STAU1: variants seen among roughly 807,000 people sequenced by gnomAD.
STAU1 encodes double-stranded RNA-binding protein Staufen homolog 1.
A neutral mutation model predicts 62.9 loss-of-function variants in STAU1; 13 were observed. The observed-to-expected ratio is 0.21, with a 90% confidence interval of 0.13 to 0.33. STAU1 has a LOEUF of 0.33. Ranked by LOEUF, STAU1 falls within the 10% of genes least tolerant of loss-of-function variation. The pLI is 1.00. For synonymous variants in STAU1, 269 were observed against 265.1 expected, an observed-to-expected ratio of 1.01 and a Z score of -0.14; for missense variants, 571 against 712.1, an observed-to-expected ratio of 0.80 and a Z score of 2.25.
Position 49,154,089 on chromosome 20 carries a change from CAAAG to C in STAU1, c.206-22_206-19del, listed in dbSNP as rs767568703. ...TATGCTTTCTGCAAGAAAGAATCGA[CAAAG>C]AACTGTTTTTTTCTGGTATGAGAAT... On this transcript the variant is annotated intron_variant, in intron 3 of 13. Transcript: ENST00000371856. 10 of 1,584,932 alleles carry C rather than the reference CAAAG, an allele frequency of 6.3e-6. No homozygotes were observed. Among genetic ancestry groups the C allele is most frequent in the East Asian group, 2.2e-5 (1 of 44,522 alleles).
chr20:49,208,217 G>A, the STAU1 span, among the ~76,000 whole-genome samples: 1 of 152,102 alleles, frequency 6.6e-6, no homozygotes, highest in Non-Finnish European at 1.5e-5. Flanking sequence ...ATACCACCAA[G>A]CCCAGCTAAT....
chr20:49,204,615 TATATATATGTGTATATATATATA>T, the STAU1 span, among the ~76,000 whole-genome samples: 2 of 44,490 alleles, frequency 4.5e-5, no homozygotes, highest in South Asian at 1.1e-3. Context: ...TATATATATA[TATATATATGTGTATATATATATA>T]TATATATATT....
chr20:49,160,253 C>T (rs1296852389), intron 3 of STAU1, among the ~76,000 whole-genome samples: 1 of 152,190 alleles, frequency 6.6e-6, no homozygotes, highest in Non-Finnish European at 1.5e-5. Flanking sequence ...TATTATGCTA[C>T]GGTGACTATT....
chr20:49,151,648 C>T lies in STAU1; in HGVS notation c.444G>A (p.Ala148=), dbSNP rs147100150. The change falls in exon 5 of 14, where the codon GCG becomes GCA. Residue 148 remains alanine, a synonymous_variant. Coordinates refer to ENST00000371856, the MANE Select transcript of STAU1 (RefSeq NM_017453.4). ...ACGCTTTGGCAGCAGCATCGTGTTTCGCAGCCTGTCTTGTCTTTCCTTTGC... is the reference window on the plus strand; with the variant it reads ...ACGCTTTGGCAGCAGCATCGTGTTTTGCAGCCTGTCTTGTCTTTCCTTTGC... ...FNGKGKTRQA[A]KHDAAAKALR... The T allele has an allele frequency of 5.6e-6, 9 of 1,612,510 alleles. No homozygotes were observed. The highest frequency in any genetic ancestry group is 4.5e-5 in the East Asian group (2 of 44,748).
intron 8 of STAU1, among the ~76,000 whole-genome samples, chr20:49,120,875 A>T (rs1044651171): frequency 6.6e-6 from 1 of 151,834 alleles, no homozygotes; most frequent in African/African-American, 2.4e-5. Context: ...GCTCACTGCA[A>T]CCTCCACTTC....
At chr20:49,139,925 C>A (rs779467822) in intron 5 of STAU1, among the ~76,000 whole-genome samples, 2 of 151,728 alleles carry the variant, frequency 1.3e-5, no homozygotes, top group Non-Finnish European at 2.9e-5. Flanking sequence ...GTGGCTCACA[C>A]CTGTAATCCC....
chr20:49,136,973 C>T (rs112481166), intron 5 of STAU1, among the ~76,000 whole-genome samples: 3 of 152,284 alleles, frequency 2.0e-5, no homozygotes, highest in African/African-American at 4.8e-5. Context: ...GGGATTAAGG[C>T]GTGAGCCACC....
intron 6 of STAU1, among the ~76,000 whole-genome samples, chr20:49,127,413 G>GT (rs2092653131): frequency 6.6e-6 from 1 of 151,292 alleles, no homozygotes; most frequent in East Asian, 2.0e-4. Context: ...CATTTAAAAA[G>GT]TAAAAAAGGG....
At chr20:49,180,332 T>G (rs73132158) in intron 1 of STAU1, among the ~76,000 whole-genome samples, 1 of 146,674 alleles carries the variant, frequency 6.8e-6, no homozygotes, top group African/African-American at 2.5e-5. Flanking sequence ...TTTTTTTTTT[T>G]CCCCCCCTGG....
intron 3 of STAU1, among the ~76,000 whole-genome samples, chr20:49,154,363 G>C (rs756049193): frequency 7.2e-5 from 11 of 152,170 alleles, no homozygotes; most frequent in Non-Finnish European, 1.2e-4. Flanking sequence ...TCAGAAATAA[G>C]TTCCAAAACA....
the STAU1 span, among the ~76,000 whole-genome samples, chr20:49,195,918 GA>G: frequency 8.1e-5 from 6 of 74,428 alleles, no homozygotes; most frequent in Admixed American, 8.4e-4. Flanking sequence ...AAAAAAAAAA[GA>G]AAAAAGAAAA....
At chr20:49,182,500 T>G (rs1478561156) in intron 1 of STAU1, among the ~76,000 whole-genome samples, 3 of 152,208 alleles carry the variant, frequency 2.0e-5, no homozygotes, top group African/African-American at 7.2e-5. Context: ...TTGGCCAACA[T>G]TATTCAAGCT....
chr20:49,125,553 A>C (rs991677155), intron 6 of STAU1, among the ~76,000 whole-genome samples: 1 of 150,786 alleles, frequency 6.6e-6, no homozygotes, highest in African/African-American at 2.4e-5. Flanking sequence ...AAAAAAAAAA[A>C]AGCAAGCAAT....
At chr20:49,205,964 G>C in the STAU1 span, among the ~76,000 whole-genome samples, 1 of 149,488 alleles carries the variant, frequency 6.7e-6, no homozygotes, top group African/African-American at 2.5e-5. Context: ...GTGAGCTACC[G>C]TGTCCGGCTA....
chr20:49,153,751 GA>G lies in STAU1; in HGVS notation c.344+181del, dbSNP rs1387306973. On this transcript the variant is annotated intron_variant, in intron 4 of 13. Coordinates refer to ENST00000371856, the MANE Select transcript of STAU1 (RefSeq NM_017453.4). ...AAAAAAAAAAAAAAAAAGAAAGAAA[GA>G]AAAAAAAGAAAAGGCGGGGGAGGGG... 1.6e-4 allele frequency among the ~76,000 whole-genome samples: 17 copies of G among 108,152 alleles called. No individual in the cohort carries two copies. The South Asian group carries it at 1.7e-3, about 11-fold the overall frequency. 71.0% of individuals were successfully genotyped at this position (108,152 alleles called of 152,430 possible). A position where few individuals can be genotyped will look rare whatever the true frequency, so the allele number is the denominator to read the frequency against.
In STAU1 at chr20:49,120,104, C is replaced by T. The variant is rs753978667; in HGVS notation, c.991G>A (p.Glu331Lys). The change falls in exon 9 of 14, where the codon GAA becomes AAA. Residue 331 changes from glutamate (E) to lysine (K), a missense_variant. Physicochemically the swap from Glu to Lys is moderately conservative, Grantham distance 56. This residue lies in a region of STAU1 where 414 missense variants were observed against 499.6 expected (regional missense o/e 0.83). Coordinates refer to ENST00000371856, the MANE Select transcript of STAU1 (RefSeq NM_017453.4). ...ACCTTCTTGTTGGTGCCCGTTCCTT[C>T]TGCAGTGTGGTTTCCAACCTTCACC... is the stretch of plus-strand genomic sequence containing the variant. ...MQVKVGNHTA[E>K]GTGTNKKVAK... is the part of the protein sequence containing the mutation. The T allele has an allele frequency of 6.2e-7, 1 of 1,614,108 alleles. No individual in the cohort carries two copies. Among genetic ancestry groups the T allele is most frequent in the South Asian group, 1.1e-5 (1 of 91,076 alleles).
intron 5 of STAU1, among the ~76,000 whole-genome samples, chr20:49,145,737 A>G (rs2093117201): frequency 6.6e-6 from 1 of 151,980 alleles, no homozygotes. Flanking sequence ...TTAAAAAAAA[A>G]AAAGAAAAGA....
At chr20:49,144,601 C>G (rs2093083323) in intron 5 of STAU1, among the ~76,000 whole-genome samples, 1 of 152,204 alleles carries the variant, frequency 6.6e-6, no homozygotes, top group South Asian at 2.1e-4. Flanking sequence ...TGTCAATTCT[C>G]TTCTCCTTGA....
At chr20:49,127,759 C>T (rs1360936748) in intron 6 of STAU1, among the ~76,000 whole-genome samples, 1 of 151,896 alleles carries the variant, frequency 6.6e-6, no homozygotes, top group Non-Finnish European at 1.5e-5. Context: ...CTCTTGTAAT[C>T]CCAGCACTTT....
Sources: allele counts gnomAD v4.1 joint callset (sites outside exome capture counted in the v4.1 genomes callset), GRCh38; gene constraint gnomAD v4.1.1; regional missense constraint gnomAD v4.1.1; transcripts MANE v1.5; gene names NCBI Gene and HGNC (gene_info 2026-07-23, HGNC 2026-07-21).